The following JAKMIP2 variants were observed in gnomAD, a reference collection of about 807,000 sequenced individuals.
JAKMIP2 encodes janus kinase and microtubule-interacting protein 2.
In JAKMIP2, 25 loss-of-function variants were observed where a neutral mutation model predicts 115.0. The observed-to-expected ratio is 0.22, with a 90% CI of 0.16 to 0.30. The LOEUF (loss-of-function observed/expected upper bound fraction) is 0.30, where lower values mean the gene tolerates loss of function less well. JAKMIP2 is among the 10% of genes least tolerant of loss of function. The pLI, the probability that JAKMIP2 is intolerant of heterozygous loss-of-function variation, is 1.00. For synonymous variants in JAKMIP2, 334 were observed against 343.6 expected (o/e 0.97, Z 0.31); for missense variants, 642 against 957.6 (o/e 0.67, Z 4.35).
intron 21 of JAKMIP2, among the ~76,000 whole-genome samples, chr5:147,593,450 T>C (rs1299517400): frequency 6.6e-6 from 1 of 152,174 alleles, no homozygotes; most frequent in African/African-American, 2.4e-5. Context: ...GAGAATCCTT[T>C]TCCCTCTTCT....
intron 18 of JAKMIP2, among the ~76,000 whole-genome samples, chr5:147,619,382 C>A (rs1049252190): frequency 2.0e-5 from 3 of 152,162 alleles, no homozygotes; most frequent in African/African-American, 7.2e-5. Flanking sequence ...ATCAAATACC[C>A]ATTCTCTTCT....
chr5:147,696,772 T>C (rs1036390255), intron 1 of JAKMIP2, among the ~76,000 whole-genome samples: 3 of 152,128 alleles, frequency 2.0e-5, no homozygotes, highest in African/African-American at 7.2e-5. Flanking sequence ...ATGTGGACAA[T>C]GAAATCCAGG....
At chr5:147,778,092 C>T (rs1428494862) in intron 1 of JAKMIP2, among the ~76,000 whole-genome samples, 1 of 151,888 alleles carries the variant, frequency 6.6e-6, no homozygotes, top group Admixed American at 6.6e-5. Context: ...TTAATCAGAT[C>T]CTAAACACGG....
intron 12 of JAKMIP2, among the ~76,000 whole-genome samples, chr5:147,635,308 T>C (rs189167059): frequency 5.9e-5 from 9 of 152,190 alleles, no homozygotes. Flanking sequence ...ATTAATTATA[T>C]CTATTCAAGC....
At chr5:147,741,248 T>C (rs764116479) in intron 1 of JAKMIP2, among the ~76,000 whole-genome samples, 3 of 152,136 alleles carry the variant, frequency 2.0e-5, no homozygotes, top group Non-Finnish European at 4.4e-5. Context: ...TTGCACAGAG[T>C]ACATTTAAAA....
At chr5:147,656,618 A>C (rs1758690575) in intron 3 of JAKMIP2, among the ~76,000 whole-genome samples, 1 of 152,132 alleles carries the variant, frequency 6.6e-6, no homozygotes. Context: ...CAGCACGCTG[A>C]TGGGTCTTCA....
chr5:147,700,209 A>G (rs1752268441), intron 1 of JAKMIP2, among the ~76,000 whole-genome samples: 1 of 152,216 alleles, frequency 6.6e-6, no homozygotes, highest in African/African-American at 2.4e-5. Context: ...TACAAACTAT[A>G]CTAAAAATAG....
rs182174117 is a variant in JAKMIP2 at position 147,760,763 on chromosome 5, T to G, written c.-149+21693A>C. 9.9e-5 allele frequency among the ~76,000 whole-genome samples: 15 copies of G among 152,190 alleles called. No homozygotes were observed. In the East Asian group the frequency reaches 2.9e-3, roughly 29 times the overall value. ...TAAGCTCAAATAATTTCTTTTAAGA[T>G]GTGAGGTATGACAGCCTATTTATAT... On this transcript the variant is annotated intron_variant, in intron 1 of 21. Coordinates refer to ENST00000616793, the MANE Select transcript of JAKMIP2 (RefSeq NM_001270941.2).
At chr5:147,753,812 ATTT>A (rs34633628) in intron 1 of JAKMIP2, among the ~76,000 whole-genome samples, 16 of 141,462 alleles carry the variant, frequency 1.1e-4, no homozygotes, top group Non-Finnish European at 1.2e-4. Context: ...AGCAGAATGT[ATTT>A]TTTTTTTTTT....
In JAKMIP2 at chr5:147,589,174, C is replaced by G. The variant is rs1755003123; in HGVS notation, c.*2533G>C. On this transcript the variant is annotated 3_prime_UTR_variant, in exon 22 of 22. Transcript: ENST00000616793. ...AAAGAATCCAGCAGGAGGCCGGGCA[C>G]AGTGGCTTACACCTGTAATCCTAGC... 6.6e-6 allele frequency: 1 copy of G among 152,174 alleles called. No individual in the cohort carries two copies. Among genetic ancestry groups the G allele is most frequent in the Non-Finnish European group, 1.5e-5 (1 of 68,116 alleles). 9.4% of individuals were successfully genotyped at this position (152,174 alleles called of 1,614,324 possible). A position where few individuals can be genotyped will look rare whatever the true frequency, so the allele number is the denominator to read the frequency against.
At chr5:147,719,006 C>A (rs1753139028) in intron 1 of JAKMIP2, among the ~76,000 whole-genome samples, 1 of 139,626 alleles carries the variant, frequency 7.2e-6, no homozygotes, top group Non-Finnish European at 1.5e-5. Flanking sequence ...TTTCCCTCTA[C>A]ACACTGCTTT....
chr5:147,720,256 A>T (rs985066207), intron 1 of JAKMIP2, among the ~76,000 whole-genome samples: 5 of 151,894 alleles, frequency 3.3e-5, no homozygotes, highest in African/African-American at 1.2e-4. Context: ...GGGTAACCCG[A>T]CCTTTCTCTC....
chr5:147,712,483 C>T (rs902579251), intron 1 of JAKMIP2, among the ~76,000 whole-genome samples: 4 of 152,102 alleles, frequency 2.6e-5, no homozygotes, highest in African/African-American at 9.7e-5. Flanking sequence ...ACATACAGGA[C>T]TCTTCTAAAA....
Position 147,639,684 on chromosome 5 carries a change from G to C in JAKMIP2, c.1478C>G (p.Ala493Gly). The C allele has an allele frequency of 6.2e-7, 1 of 1,613,894 alleles. No individual in the cohort carries two copies. Among genetic ancestry groups the C allele is most frequent in the Non-Finnish European group, 8.5e-7 (1 of 1,179,896 alleles). The change falls in exon 10 of 22, where the codon GCC becomes GGC. Residue 493 changes from alanine (A) to glycine (G), a missense_variant. By Grantham distance (60) the Ala-to-Gly change is moderately conservative. This residue lies in a region of JAKMIP2 where 103 missense variants were observed against 177.6 expected (regional missense o/e 0.58). Coordinates refer to ENST00000616793, the MANE Select transcript of JAKMIP2 (RefSeq NM_001270941.2). ...GCCTCCCGTCTGCTCCTGTAGGAGG[G>C]CATATGCTCTTTGGAGGGCCTGATA... is the stretch of plus-strand genomic sequence containing the variant. ...KEYQALQRAY[A>G]LLQEQTGGII...
At chr5:147,692,857 C>T (rs576416648) in intron 1 of JAKMIP2, among the ~76,000 whole-genome samples, 1 of 152,172 alleles carries the variant, frequency 6.6e-6, no homozygotes, top group Non-Finnish European at 1.5e-5. Context: ...AAAGCAGTTC[C>T]TAATATCAGG....
intron 18 of JAKMIP2, among the ~76,000 whole-genome samples, chr5:147,620,273 T>C (rs1476428371): frequency 6.6e-6 from 1 of 152,112 alleles, no homozygotes; most frequent in African/African-American, 2.4e-5. Context: ...TTTTTGTATT[T>C]TGTATTTTTA....
In JAKMIP2 at chr5:147,632,451, T is replaced by C. The variant is rs3763092; in HGVS notation, c.1776+229A>G. Among the ~76,000 whole-genome samples, 4,532 of 152,236 alleles carry C rather than the reference T, an allele frequency of 0.03. 217 individuals carry two copies. The highest frequency in any genetic ancestry group is 0.13 in the East Asian group (659 of 5,172). ...GATAGTAATGTTGAAAAGCACAGTA[T>C]CTAAGTAGACAGTTTTGAGTTGCAT... On this transcript the variant is annotated intron_variant, in intron 13 of 21. Transcript: ENST00000616793.
chr5:147,600,921 G>A (rs1243264746), intron 21 of JAKMIP2, among the ~76,000 whole-genome samples: 1 of 152,014 alleles, frequency 6.6e-6, no homozygotes, highest in Non-Finnish European at 1.5e-5. Context: ...GATCCACTTA[G>A]CCTGCTTTCT....
chr5:147,768,072 C>A, intron 1 of JAKMIP2, among the ~76,000 whole-genome samples: 1 of 152,162 alleles, frequency 6.6e-6, no homozygotes, highest in South Asian at 2.1e-4. Flanking sequence ...CCCCTACACA[C>A]ACACACACTT....
Sources: gnomAD v4.1 joint callset for allele counts (sites outside exome capture counted in the v4.1 genomes callset) on GRCh38, gnomAD v4.1.1 for gene constraint, gnomAD v4.1.1 regional missense constraint, MANE v1.5 for transcripts, NCBI Gene and HGNC (gene_info 2026-07-23, HGNC 2026-07-21) for gene names.